Variants in SORL1 observed in about 807,000 individuals in gnomAD.
SORL1 encodes the protein sortilin related receptor 1.
In SORL1, 127 loss-of-function variants were observed where a neutral mutation model predicts 273.7. The observed-to-expected ratio is 0.46, with a 90% confidence interval of 0.40 to 0.54. The LOEUF is 0.54. Among genes scored for constraint, SORL1 ranks in the 20% least tolerant of loss-of-function variants. The pLI is 0.00. For synonymous variants in SORL1, 1,031 were observed against 1,067.4 expected (o/e 0.97, Z 0.66); for missense variants, 2,494 against 2,846.1 (o/e 0.88, Z 2.81).
chr11:121,607,031 G>C lies in SORL1; in HGVS notation c.5061+74G>C, dbSNP rs944056196. ...GATTTCTGGGTATTCTGTATGACGA[G>C]GGGGTTGATTTGGTTTAGCTTTGTA... On this transcript the variant is annotated intron_variant, in intron 36 of 47. Coordinates refer to ENST00000260197, the MANE Select transcript of SORL1 (RefSeq NM_003105.6). 7 of 1,225,666 alleles carry C rather than the reference G, an allele frequency of 5.7e-6. No individual in the cohort carries two copies. The African/African-American group carries it at 8.9e-5, about 16-fold the overall frequency. The allele number at this position is 1,225,666 out of a possible 1,614,324, so 75.9% of individuals were successfully genotyped here.
At chr11:121,566,461 T>A (rs1219724597) in intron 21 of SORL1, among the ~76,000 whole-genome samples, 1 of 152,208 alleles carries the variant, frequency 6.6e-6, no homozygotes, top group Non-Finnish European at 1.5e-5. Context: ...TGCCTCAGCC[T>A]CCTGAGTAGC....
chr11:121,621,467 C>G (rs1380226499), intron 44 of SORL1, among the ~76,000 whole-genome samples: 1 of 152,152 alleles, frequency 6.6e-6, no homozygotes, highest in Admixed American at 6.5e-5. Flanking sequence ...TCTTTATTTT[C>G]TAAGTCTTTT....
chr11:121,468,613 G>T (rs1216635551), intron 1 of SORL1, among the ~76,000 whole-genome samples: 12 of 152,140 alleles, frequency 7.9e-5, no homozygotes, highest in Admixed American at 7.9e-4. Context: ...TAGAGATGGG[G>T]TTTCACCGTA....
intron 43 of SORL1, 151 bp from the exon 44 acceptor site, chr11:121,620,913 C>T: frequency 1.7e-6 from 1 of 603,194 alleles, no homozygotes; most frequent in Non-Finnish European, 2.9e-6. Context: ...ACTCCAAAGG[C>T]CTTCCAAAGA....
At chr11:121,572,003 GA>G (rs1345368350) in intron 23 of SORL1, among the ~76,000 whole-genome samples, 3 of 152,338 alleles carry the variant, frequency 2.0e-5, no homozygotes, top group East Asian at 3.9e-4. Flanking sequence ...GCAGATAATG[GA>G]AAGGAGTTTA....
intron 5 of SORL1, among the ~76,000 whole-genome samples, chr11:121,492,863 G>A (rs946883142): frequency 6.6e-6 from 1 of 150,520 alleles, no homozygotes; most frequent in African/African-American, 2.4e-5. Context: ...GAGTGCAGTG[G>A]CGTGATCTTG....
Position 121,625,083 on chromosome 11 carries a change from A to G in SORL1, c.6172-2A>G. 1 of 1,601,534 alleles carries G rather than the reference A, an allele frequency of 6.2e-7. No homozygotes were observed. The highest frequency in any genetic ancestry group is 8.5e-7 in the Non-Finnish European group (1 of 1,171,344). ...TGAGCAATCTCTTGTGTTTGTTTTCAGGGCTATGAGATACACATGTTTGAT... is the reference window on the plus strand; with the variant it reads ...TGAGCAATCTCTTGTGTTTGTTTTCGGGGCTATGAGATACACATGTTTGAT... On this transcript the variant is annotated splice_acceptor_variant, in intron 45 of 47. Transcript: ENST00000260197. LOFTEE classifies it high-confidence loss of function.
chr11:121,603,021 C>G (rs1863418524), intron 32 of SORL1, among the ~76,000 whole-genome samples: 1 of 152,196 alleles, frequency 6.6e-6, no homozygotes. Flanking sequence ...CTTCTGTATT[C>G]TCTCTGTCTC....
In SORL1 at chr11:121,550,911, C is replaced by A. The variant is rs1862499430; in HGVS notation, c.2266+241C>A. On this transcript the variant is annotated intron_variant, in intron 16 of 47. Transcript: ENST00000260197. The surrounding 1 kb of genome is among the most constrained non-coding windows in gnomAD (Gnocchi z 5.3). ...TCAGCTCAGTTTCTTTGAGGGAAAT[C>A]CCTTTGTTAATTGAAAAATATTTAT... Among the ~76,000 whole-genome samples the A allele has an allele frequency of 6.6e-6, 1 of 152,178 alleles. No homozygotes were observed. The highest frequency in any genetic ancestry group is 2.4e-5 in the African/African-American group (1 of 41,440).
chr11:121,497,250 G>A (rs1861646589), intron 6 of SORL1, among the ~76,000 whole-genome samples: 2 of 152,176 alleles, frequency 1.3e-5, no homozygotes, highest in Non-Finnish European at 2.9e-5. Flanking sequence ...CAGAGGAGTG[G>A]AGAGGCCTAG....
At chr11:121,492,974 A>G (rs1401492231) in intron 5 of SORL1, among the ~76,000 whole-genome samples, 1 of 150,300 alleles carries the variant, frequency 6.7e-6, no homozygotes, top group Non-Finnish European at 1.5e-5. Context: ...GGCTAATTTT[A>G]TTTATTTTTA....
intron 3 of SORL1, among the ~76,000 whole-genome samples, chr11:121,481,854 C>G (rs1861393532): frequency 6.9e-6 from 1 of 144,094 alleles, no homozygotes; most frequent in Admixed American, 7.1e-5. Context: ...AGCTCCTCCC[C>G]TAGTACACAG....
intron 20 of SORL1, among the ~76,000 whole-genome samples, chr11:121,559,049 A>C (rs1490306812): frequency 1.3e-5 from 2 of 152,214 alleles, no homozygotes; most frequent in Non-Finnish European, 2.9e-5. Context: ...ACATTTCAAA[A>C]GGTTAAAAGT....
intron 19 of SORL1, among the ~76,000 whole-genome samples, chr11:121,557,896 T>TC (rs1862615196): frequency 6.6e-6 from 1 of 152,210 alleles, no homozygotes; most frequent in African/African-American, 2.4e-5. Flanking sequence ...GATTTGACAT[T>TC]CTGGCTTTTC....
chr11:121,555,423 G>T, intron 18 of SORL1, 105 bp downstream of exon 18: 1 of 1,415,098 alleles, frequency 7.1e-7, no homozygotes. Context: ...AGATTACTCA[G>T]GAAATTTACT....
In SORL1 at chr11:121,487,990, C is replaced by T; in HGVS notation, c.529-42C>T. The T allele has an allele frequency of 1.9e-6, 3 of 1,607,280 alleles. No individual in the cohort carries two copies. In the African/African-American group the frequency reaches 4.0e-5, roughly 21 times the overall value. On this transcript the variant is annotated intron_variant, in intron 3 of 47. Transcript: ENST00000260197. ...TGGTTTAGGGGAGTGTTGGGCAGCT[C>T]TGGACAGGGCCTGCTCTCAACTTAC...
intron 8 of SORL1, among the ~76,000 whole-genome samples, chr11:121,515,335 G>A (rs1861935327): frequency 6.6e-6 from 1 of 152,204 alleles, no homozygotes; most frequent in South Asian, 2.1e-4. Flanking sequence ...AGGGGATGGG[G>A]ATTTGCAACG....
rs1262805377 is a variant in SORL1 at position 121,595,581 on chromosome 11, C to A, written c.4370-42C>A. ...ATTGGTTGCTGTTATTGGCCAGCTC[C>A]CTCAATATTAAAAAGTAAATTTTAA... On this transcript the variant is annotated intron_variant, in intron 31 of 47. Transcript: ENST00000260197. The surrounding 1 kb of genome is among the most constrained non-coding windows in gnomAD (Gnocchi z 5.1). The A allele has an allele frequency of 6.6e-7, 1 of 1,525,526 alleles. No homozygotes were observed. The highest frequency in any genetic ancestry group is 1.4e-5 in the African/African-American group (1 of 72,590). 94.5% of individuals were successfully genotyped at this position (1,525,526 alleles called of 1,614,324 possible).
At chr11:121,551,035 A>G (rs1862500972) in intron 16 of SORL1, among the ~76,000 whole-genome samples, 2 of 152,366 alleles carry the variant, frequency 1.3e-5, no homozygotes, top group Admixed American at 1.3e-4. Flanking sequence ...CTTCTTAGGA[A>G]GTAGCTAAGT....
Sources: gnomAD v4.1 joint callset for allele counts (sites outside exome capture counted in the v4.1 genomes callset) on GRCh38, gnomAD v4.1.1 for gene constraint, Gnocchi (gnomAD v3.1) non-coding constraint, MANE v1.5 for transcripts, NCBI Gene and HGNC (gene_info 2026-07-23, HGNC 2026-07-21) for gene names.